SUGP1: variants seen among roughly 807,000 people sequenced by gnomAD.
The protein encoded by SUGP1 is SURP and G-patch domain-containing protein 1.
SUGP1 carries 34 observed loss-of-function variants against 76.5 expected under a neutral mutation model. The ratio of observed to expected loss-of-function variants is 0.44; its 90% CI spans 0.34 to 0.59. The LOEUF is 0.59. SUGP1 is among the 20% of genes least tolerant of loss of function. SUGP1 has a pLI of 0.01. For missense variants in SUGP1, 752 were observed against 851.7 expected (o/e 0.88, Z 1.46); for synonymous variants, 326 against 326.2 (o/e 1.00, Z 0.01).
At chr19:19,291,089 C>T (rs1401916361) in intron 8 of SUGP1, among the ~76,000 whole-genome samples, 1 of 152,086 alleles carries the variant, frequency 6.6e-6, no homozygotes, top group East Asian at 1.9e-4. Context: ...TGCACTCCAG[C>T]CTGGGTGACA....
Position 19,297,332 on chromosome 19 carries a change from C to T in SUGP1, c.900G>A (p.Glu300=), listed in dbSNP as rs745859631. ...RENQAFSFLY[E]PNSQGYKYYR... ...AGTACTTGTACCCTTGGCTATTGGG[C>T]TCATACAGAAAGCTGCAAAGGAGAG... The change falls in exon 8 of 14, where the codon GAG becomes GAA. Residue 300 remains glutamate (E), a synonymous_variant. Transcript: ENST00000247001. 9.9e-6 allele frequency: 15 copies of T among 1,515,392 alleles called. No individual in the cohort carries two copies. The Admixed American group carries it at 2.8e-4, about 29-fold the overall frequency. The allele number at this position is 1,515,392 out of a possible 1,614,324, so 93.9% of individuals were successfully genotyped here. A position where few individuals can be genotyped will look rare whatever the true frequency, so the allele number is the denominator to read the frequency against.
At chr19:19,289,081 G>A (rs2061162715) in intron 8 of SUGP1, among the ~76,000 whole-genome samples, 2 of 151,848 alleles carry the variant, frequency 1.3e-5, no homozygotes. Flanking sequence ...ACCAAACCCG[G>A]CCTATATTCA....
chr19:19,302,219 A>G (rs2146614919), intron 7 of SUGP1, 46 bp downstream of exon 7: 2 of 1,609,230 alleles, frequency 1.2e-6, no homozygotes, highest in African/African-American at 1.3e-5. Flanking sequence ...CTGCAGGGGG[A>G]CTGTGGCCAG....
At chr19:19,304,836 GC>G (rs1024640634) in intron 4 of SUGP1, among the ~76,000 whole-genome samples, 3 of 152,086 alleles carry the variant, frequency 2.0e-5, no homozygotes, top group Non-Finnish European at 4.4e-5. Context: ...CCCAACGAGG[GC>G]CCCTGTGAGG....
chr19:19,291,934 A>ACACACACACACAC (rs1555788756), intron 8 of SUGP1, among the ~76,000 whole-genome samples: 5 of 98,018 alleles, frequency 5.1e-5, no homozygotes, highest in East Asian at 3.3e-4. Flanking sequence ...CACACACACA[A>ACACACACACACAC]AAGGGCCAAG....
intron 8 of SUGP1, among the ~76,000 whole-genome samples, chr19:19,294,379 C>T (rs2061208489): frequency 6.6e-6 from 1 of 151,670 alleles, no homozygotes; most frequent in Non-Finnish European, 1.5e-5. Context: ...CAAAAGTTAG[C>T]CAGGTGTGCT....
intron 7 of SUGP1, chr19:19,302,041 A>C (rs2061275730): frequency 3.4e-6 from 2 of 587,744 alleles, no homozygotes; most frequent in Admixed American, 3.4e-5. Flanking sequence ...AAGGCCCCAA[A>C]GGCCCCGTGC....
At chr19:19,297,383 C>G in intron 7 of SUGP1, 39 bp from the exon 8 acceptor site, 1 of 1,274,178 alleles carries the variant, frequency 7.8e-7, no homozygotes, top group South Asian at 1.5e-5. Flanking sequence ...TCAGCTGGGC[C>G]CGAGGCCCTG....
rs751341594 is a variant in SUGP1 at position 19,280,307 on chromosome 19, A to C, written c.1244-16T>G. 67 of 1,611,588 alleles carry C rather than the reference A, an allele frequency of 4.2e-5. No individual in the cohort carries two copies. Among genetic ancestry groups the C allele is most frequent in the Non-Finnish European group, 5.4e-5 (64 of 1,178,406 alleles). The stretch of plus-strand genomic sequence containing the variant: ...AGGTCCTGAACTGGAAACCAAAGAC[A>C]CAGGGTAGTCAGAGCCTGACAGGTG... On this transcript the variant is annotated splice_polypyrimidine_tract_variant and intron_variant, in intron 8 of 13. Transcript: ENST00000247001.
chr19:19,276,749 C>A lies in SUGP1; in HGVS notation c.1912-75G>T, dbSNP rs2061052408. On this transcript the variant is annotated intron_variant, in intron 13 of 13. Coordinates refer to ENST00000247001, the MANE Select transcript of SUGP1 (RefSeq NM_172231.4). ...AGCAGTTCCTCCTGTCTGGAACCTT[C>A]CGGAGGCAGCTGAGCCCGCACCCTT... is the stretch of plus-strand genomic sequence containing the variant. 1.9e-6 allele frequency: 3 copies of A among 1,606,550 alleles called. No individual in the cohort carries two copies. The East Asian group carries it at 6.7e-5, about 36-fold the overall frequency.
chr19:19,280,563 T>G, intron 8 of SUGP1: 1 of 418,118 alleles, frequency 2.4e-6, no homozygotes, highest in Non-Finnish European at 4.4e-6. Context: ...AATCAGAGGT[T>G]CCGGGACTCA....
At chr19:19,318,510 C>T (rs1348146581) in intron 1 of SUGP1, among the ~76,000 whole-genome samples, 1 of 152,000 alleles carries the variant, frequency 6.6e-6, no homozygotes, top group Non-Finnish European at 1.5e-5. Context: ...CTCACTGCAT[C>T]CTCAAACTCC....
intron 8 of SUGP1, among the ~76,000 whole-genome samples, chr19:19,290,310 CTTGTG>C (rs2061171376): frequency 6.6e-6 from 1 of 152,080 alleles, no homozygotes; most frequent in Admixed American, 6.6e-5. Flanking sequence ...ACTGAGTGTG[CTTGTG>C]TTATTATTTT....
intron 1 of SUGP1, among the ~76,000 whole-genome samples, chr19:19,318,553 C>T (rs1198749342): frequency 1.3e-5 from 2 of 152,106 alleles, no homozygotes; most frequent in Non-Finnish European, 2.9e-5. Flanking sequence ...CTCAGCCACC[C>T]GAGTGGCTAG....
intron 7 of SUGP1, among the ~76,000 whole-genome samples, chr19:19,298,268 C>A (rs752325918): frequency 6.6e-6 from 1 of 152,156 alleles, no homozygotes; most frequent in Non-Finnish European, 1.5e-5. Context: ...GAGGCCGAGG[C>A]GGGCAGATCA....
At chr19:19,313,012 A>T (rs1029312732) in intron 2 of SUGP1, among the ~76,000 whole-genome samples, 3 of 151,784 alleles carry the variant, frequency 2.0e-5, no homozygotes, top group Non-Finnish European at 4.4e-5. Context: ...AATAAATAAA[A>T]TAAATAAATA....
chr19:19,281,058 A>C (rs1378665790), intron 8 of SUGP1: 1 of 152,262 alleles, frequency 6.6e-6, no homozygotes, highest in African/African-American at 2.4e-5. Flanking sequence ...TTGCACTCTT[A>C]GTCCTTCCTT....
Position 19,305,831 on chromosome 19 carries a change from G to A in SUGP1, c.538+18C>T, listed in dbSNP as rs2061312805. The A allele has an allele frequency of 6.3e-7, 1 of 1,575,880 alleles. No homozygotes were observed. Among genetic ancestry groups the A allele is most frequent in the Non-Finnish European group, 8.6e-7 (1 of 1,159,628 alleles). On this transcript the variant is annotated intron_variant, in intron 4 of 13. Transcript: ENST00000247001. ...CACGGGCACTGGTGGTGGGGGAGCA[G>A]CAGCTCCCACAACTTACCTTTGATC...
rs1033285485 is a variant in SUGP1 at position 19,310,038 on chromosome 19, C to T, written c.310+59G>A. The T allele has an allele frequency of 4.2e-6, 6 of 1,417,950 alleles. No individual in the cohort carries two copies. The South Asian group carries it at 5.8e-5, about 14-fold the overall frequency. The allele number at this position is 1,417,950 out of a possible 1,614,324, so 87.8% of individuals were successfully genotyped here. A position where few individuals can be genotyped will look rare whatever the true frequency, so the allele number is the denominator to read the frequency against. ...GTGGGACCCATCACTTCCCATGTGCCCAGCAACCCCAGGGGGAGATGCAAG... is the reference window on the plus strand; with the variant it reads ...GTGGGACCCATCACTTCCCATGTGCTCAGCAACCCCAGGGGGAGATGCAAG... On this transcript the variant is annotated intron_variant, in intron 3 of 13. Coordinates refer to ENST00000247001, the MANE Select transcript of SUGP1 (RefSeq NM_172231.4).
Sources: allele counts gnomAD v4.1 joint callset (sites outside exome capture counted in the v4.1 genomes callset), GRCh38; gene constraint gnomAD v4.1.1; transcripts MANE v1.5; gene names NCBI Gene and HGNC (gene_info 2026-07-23, HGNC 2026-07-21).